The following RDH13 variants were observed in gnomAD, a reference collection of about 807,000 sequenced individuals.
RDH13 encodes the protein retinol dehydrogenase 13 (all-trans and 9-cis).
In RDH13, 35 loss-of-function variants were observed where a neutral mutation model predicts 28.3. The observed-to-expected ratio is 1.24, with a 90% CI of 0.95 to 1.64. The LOEUF (loss-of-function observed/expected upper bound fraction) is 1.64, where lower values mean the gene tolerates loss of function less well. Ranked by LOEUF, RDH13 falls within the 40% of genes most tolerant of loss-of-function variation. RDH13 has a pLI of 0.00. For missense variants in RDH13, 514 were observed against 446.3 expected (o/e 1.15, Z -1.37); for synonymous variants, 229 against 198.5 (o/e 1.15, Z -1.29).
chr19:55,053,188 G>A lies in RDH13; in HGVS notation c.340+3465C>T, dbSNP rs565286828. ...CTCCCAAAGTGCCGGGATGACAGGC[G>A]TGAACCGCTGCACCTGGCCTGCCCC... On this transcript the variant is annotated intron_variant, in intron 3 of 6. Transcript: ENST00000415061. 4.6e-5 allele frequency among the ~76,000 whole-genome samples: 7 copies of A among 152,278 alleles called. No individual in the cohort carries two copies. In the South Asian group the frequency reaches 8.3e-4, roughly 18 times the overall value.
chr19:55,044,773 C>A lies in RDH13; in HGVS notation c.*301G>T. 7.1e-6 allele frequency: 3 copies of A among 419,988 alleles called. No homozygotes were observed. The highest frequency in any genetic ancestry group is 1.3e-5 in the Non-Finnish European group (3 of 237,938). The allele number at this position is 419,988 out of a possible 1,614,324, so 26.0% of individuals were successfully genotyped here. A position where few individuals can be genotyped will look rare whatever the true frequency, so the allele number is the denominator to read the frequency against. On this transcript the variant is annotated 3_prime_UTR_variant, in exon 7 of 7. Coordinates refer to ENST00000415061, the MANE Select transcript of RDH13 (RefSeq NM_001145971.2). ...GGCACCGCTGGCTCTCCTGACGTGG[C>A]CTGCAAGTGCACGGAGCCCCTTCCT...
At chr19:55,039,529 C>G (rs982378145), downstream of RDH13, 2 of 152,160 alleles carry the variant, frequency 1.3e-5, no homozygotes, top group Admixed American at 6.5e-5. Context: ...GCCTGGGCGG[C>G]AGAGTGAGAC....
rs1324364977 is a variant in RDH13 at position 55,048,644 on chromosome 19, C to A, written c.445+15G>T. On this transcript the variant is annotated intron_variant, in intron 4 of 6. Coordinates refer to ENST00000415061, the MANE Select transcript of RDH13 (RefSeq NM_001145971.2). ...ATCGCTTGAACCCATGGTGCAGCCC[C>A]TGCCCAGGCCTCACCCAGGTGGTTA... is the stretch of plus-strand genomic sequence containing the variant. 1.2e-6 allele frequency: 2 copies of A among 1,613,124 alleles called. No homozygotes were observed. Among genetic ancestry groups the A allele is most frequent in the Admixed American group, 3.3e-5 (2 of 59,922 alleles).
downstream of RDH13, chr19:55,044,034 A>G (rs1465030218): frequency 6.6e-6 from 1 of 151,538 alleles, no homozygotes; most frequent in Non-Finnish European, 1.5e-5. Flanking sequence ...CTCCTGCCTC[A>G]GCCTCCCGAG....
intron 1 of RDH13, chr19:55,069,188 C>T (rs548340397): frequency 5.3e-5 from 8 of 150,758 alleles, no homozygotes; most frequent in African/African-American, 1.7e-4. Context: ...ACAAACAGCT[C>T]CCGGCCACCG....
intron 3 of RDH13, among the ~76,000 whole-genome samples, chr19:55,051,730 T>A (rs985297905): frequency 7.4e-6 from 1 of 134,400 alleles, no homozygotes; most frequent in Non-Finnish European, 1.7e-5. Context: ...GCCCAGCCTG[T>A]TTTTTTTTTT....
chr19:55,042,229 ACCTAACATCC>A (rs906401916), downstream of RDH13: 1 of 151,488 alleles, frequency 6.6e-6, no homozygotes, highest in African/African-American at 2.4e-5. Flanking sequence ...TAGGAGGGCC[ACCTAACATCC>A]TCCGTCCCAC....
chr19:55,056,156 TCAAAACAAACAAA>T (rs1172888122), intron 3 of RDH13, among the ~76,000 whole-genome samples: 2 of 150,306 alleles, frequency 1.3e-5, no homozygotes, highest in Admixed American at 6.7e-5. Flanking sequence ...CCCATCTGTC[TCAAAACAAACAAA>T]CAAAACAAAG....
rs1376495624 is a variant in RDH13 at position 55,056,918 on chromosome 19, T to C, written c.185-110A>G. ...CAAAAACACATCCACCAATGTTCACTGCGGCATTCTTCACAAAAGCCAAAA... is the reference window on the plus strand; with the variant it reads ...CAAAAACACATCCACCAATGTTCACCGCGGCATTCTTCACAAAAGCCAAAA... On this transcript the variant is annotated intron_variant, in intron 2 of 6. Coordinates refer to ENST00000415061, the MANE Select transcript of RDH13 (RefSeq NM_001145971.2). 7.3e-6 allele frequency: 7 copies of C among 956,590 alleles called. No individual in the cohort carries two copies. In the Admixed American group the frequency reaches 8.2e-5, roughly 11 times the overall value. The allele number at this position is 956,590 out of a possible 1,614,324, so 59.3% of individuals were successfully genotyped here. A position where few individuals can be genotyped will look rare whatever the true frequency, so the allele number is the denominator to read the frequency against.
downstream of RDH13, chr19:55,041,006 A>G: frequency 6.6e-6 from 1 of 152,414 alleles, no homozygotes. Context: ...CATGCCTGTA[A>G]TCCCAGATAC....
chr19:55,048,109 CA>C, intron 5 of RDH13: 1 of 1,524,528 alleles, frequency 6.6e-7, no homozygotes, highest in Non-Finnish European at 8.8e-7. Context: ...CTGATCCAGG[CA>C]GACTAGACCA....
intron 2 of RDH13, 142 bp downstream of exon 2, chr19:55,059,015 T>C (rs1413747850): frequency 1.6e-6 from 1 of 639,782 alleles, no homozygotes; most frequent in East Asian, 2.8e-5. Flanking sequence ...CATATGCCCC[T>C]GTCTATAGAA....
intron 3 of RDH13, among the ~76,000 whole-genome samples, chr19:55,049,810 CAGTCCCAGAGGCTGGA>C (rs2075368212): frequency 6.8e-6 from 1 of 146,244 alleles, no homozygotes; most frequent in South Asian, 2.2e-4. Flanking sequence ...AAAAAAATCA[CAGTCCCAGAGGCTGGA>C]AGTCCCAGAT....
intron 3 of RDH13, 39 bp downstream of exon 3, chr19:55,056,614 T>G (rs1259601073): frequency 3.7e-6 from 6 of 1,605,780 alleles, no homozygotes; most frequent in Non-Finnish European, 5.1e-6. Context: ...GGGAGCCGCC[T>G]ATCCCAGTCC....
intron 6 of RDH13, among the ~76,000 whole-genome samples, chr19:55,045,893 C>G (rs1480905613): frequency 6.8e-6 from 1 of 147,496 alleles, no homozygotes; most frequent in Non-Finnish European, 1.5e-5. Context: ...TTGCAGTGAG[C>G]TAAGATCACA....
At chr19:55,041,730 C>T (rs966634505), downstream of RDH13, 4 of 152,232 alleles carry the variant, frequency 2.6e-5, no homozygotes, top group Non-Finnish European at 5.9e-5. Context: ...GGCAGGCAGC[C>T]GGACCTGTCC....
chr19:55,040,120 C>T (rs2074985802), downstream of RDH13, among the ~76,000 whole-genome samples: 1 of 152,152 alleles, frequency 6.6e-6, no homozygotes, highest in African/African-American at 2.4e-5. Flanking sequence ...GGTTACACAA[C>T]ACTGTAAATG....
In RDH13 at chr19:55,047,374, G is replaced by A. The variant is rs1403512726; in HGVS notation, c.760+13C>T. The stretch of plus-strand genomic sequence containing the variant: ...GGCTCCACGTGGAGACCCCAGGCTG[G>A]GAGGGGACTCACCGAGTGTGGTGCT... On this transcript the variant is annotated intron_variant, in intron 6 of 6. Transcript: ENST00000415061. 2 of 1,609,814 alleles carry A rather than the reference G, an allele frequency of 1.2e-6. No individual in the cohort carries two copies. Among genetic ancestry groups the A allele is most frequent in the African/African-American group, 2.7e-5 (2 of 74,916 alleles).
intron 1 of RDH13, among the ~76,000 whole-genome samples, chr19:55,059,666 T>A (rs142437057): frequency 0.091 from 13,867 of 151,908 alleles, 723 homozygotes; most frequent in East Asian, 0.16. Flanking sequence ...CGTCTCTACT[T>A]AAAATACAAA....
Sources: gnomAD v4.1 joint callset for allele counts (sites outside exome capture counted in the v4.1 genomes callset) on GRCh38, gnomAD v4.1.1 for gene constraint, MANE v1.5 for transcripts, NCBI Gene and HGNC (gene_info 2026-07-23, HGNC 2026-07-21) for gene names.